The following PI4KA variants were observed in gnomAD, a reference collection of about 807,000 sequenced individuals.
PI4KA encodes the protein phosphatidylinositol 4-kinase alpha.
Under a neutral mutation model 271.4 loss-of-function variants are expected in PI4KA, and 122 were observed. That is an observed-to-expected ratio of 0.45 (90% CI 0.39 to 0.52). The LOEUF is 0.52. PI4KA is among the 20% of genes least tolerant of loss of function. The probability of loss-of-function intolerance (pLI) is 0.00; values close to 1 mark genes in which losing one functional copy is unlikely to be tolerated. For missense variants in PI4KA, 1,969 were observed against 2,769.1 expected (o/e 0.71, Z 6.48); for synonymous variants, 1,041 against 1,078.8 (o/e 0.96, Z 0.69).
chr22:20,715,084 T>G (rs540289411), intron 45 of PI4KA, among the ~76,000 whole-genome samples: 1 of 152,028 alleles, frequency 6.6e-6, no homozygotes, highest in African/African-American at 2.4e-5. Flanking sequence ...CCTTTTTTTT[T>G]TTTTTGGATA....
Position 20,834,063 on chromosome 22 carries a change from G to T in PI4KA, c.367+499C>A, listed in dbSNP as rs193190968. ...GCCACCATACCAGCCAATTTATTCC[G>T]TTTCTAAAGGTGCAAAGTTTAACTG... On this transcript the variant is annotated intron_variant, in intron 3 of 54. Transcript: ENST00000255882. Among the ~76,000 whole-genome samples, 30 of 152,046 alleles carry T rather than the reference G, an allele frequency of 2.0e-4. No individual in the cohort carries two copies. The East Asian group carries it at 5.4e-3, about 27-fold the overall frequency.
At chr22:20,857,444 C>T (rs9624999) in intron 1 of PI4KA, among the ~76,000 whole-genome samples, 6,390 of 152,296 alleles carry the variant, frequency 0.042, 424 homozygotes, top group African/African-American at 0.14. Flanking sequence ...CTTCATCCAT[C>T]AGCAGACAGC....
At chr22:20,827,485 G>C (rs186496007) in intron 3 of PI4KA, among the ~76,000 whole-genome samples, 1 of 152,112 alleles carries the variant, frequency 6.6e-6, no homozygotes, top group African/African-American at 2.4e-5. Flanking sequence ...GTTGGGTAAT[G>C]TGATGTCTCC....
At chr22:20,781,972 C>T (rs572379659) in intron 19 of PI4KA, among the ~76,000 whole-genome samples, 9 of 152,196 alleles carry the variant, frequency 5.9e-5, no homozygotes, top group African/African-American at 1.9e-4. Context: ...AAGAGCTCAG[C>T]GAATTTGAGG....
intron 42 of PI4KA, among the ~76,000 whole-genome samples, chr22:20,724,345 C>T (rs1927101569): frequency 6.6e-6 from 1 of 150,730 alleles, no homozygotes; most frequent in South Asian, 2.1e-4. Flanking sequence ...GTGGCTCATG[C>T]CTGTAATCCT....
chr22:20,733,131 T>C, intron 35 of PI4KA, 33 bp from the exon 36 acceptor site: 1 of 1,611,616 alleles, frequency 6.2e-7, no homozygotes, highest in Non-Finnish European at 8.5e-7. Context: ...AAGGGCTGAG[T>C]GTCTGGAGTC....
intron 19 of PI4KA, chr22:20,787,196 T>C: frequency 4.8e-6 from 4 of 832,456 alleles, no homozygotes; most frequent in East Asian, 2.6e-5. Flanking sequence ...GAGGCCCATA[T>C]GAGAGGAGCT....
In PI4KA at chr22:20,747,597, T is replaced by C. The variant is rs748845018; in HGVS notation, c.3349A>G (p.Asn1117Asp). Residue 1117 changes from asparagine (N) to aspartate (D), a missense_variant, in exon 29 of 55, where the codon AAC (asparagine) becomes GAC (aspartate). By Grantham distance (23) the Asn-to-Asp change is conservative (BLOSUM62 1). Around this residue, in one of 13 missense-constraint regions of PI4KA, gnomAD observed 203 missense variants for 256.8 expected, o/e 0.79. Transcript: ENST00000255882. Reference protein sequence around the residue: ...ILHFAGYNKQNTTLGATQLSE... With the variant: ...ILHFAGYNKQDTTLGATQLSE... Reference sequence around the variant, plus strand: ...CTCGCACATACCCCAAGAGTTGTGTTCTGCTTGTTGTAGCCAGCAAAGTGA... The same window carrying C: ...CTCGCACATACCCCAAGAGTTGTGTCCTGCTTGTTGTAGCCAGCAAAGTGA... 1.2e-6 allele frequency: 2 copies of C among 1,614,096 alleles called. No homozygotes were observed. Among genetic ancestry groups the C allele is most frequent in the Non-Finnish European group, 1.7e-6 (2 of 1,180,014 alleles).
chr22:20,733,139 G>A (rs1369634972), intron 35 of PI4KA, 41 bp from the exon 36 acceptor site: 19 of 1,610,666 alleles, frequency 1.2e-5, no homozygotes, highest in Non-Finnish European at 1.5e-5. Flanking sequence ...AGTGTCTGGA[G>A]TCAGGGACTA....
In PI4KA at chr22:20,804,418, A is replaced by G; in HGVS notation, c.1361-18T>C. 3 of 1,530,394 alleles carry G rather than the reference A, an allele frequency of 2.0e-6. No individual in the cohort carries two copies. The highest frequency in any genetic ancestry group is 1.7e-4 in the Middle Eastern group (1 of 5,886). The allele number at this position is 1,530,394 out of a possible 1,614,324, so 94.8% of individuals were successfully genotyped here. A position where few individuals can be genotyped will look rare whatever the true frequency, so the allele number is the denominator to read the frequency against. On this transcript the variant is annotated intron_variant, in intron 11 of 54. Transcript: ENST00000255882. The stretch of plus-strand genomic sequence containing the variant: ...TTCTGCACCTTAATTCAAAACCAGA[A>G]GAGGAGATGAGTGATCAGCACAGGC...
chr22:20,788,403 T>C (rs1303011957), intron 19 of PI4KA, among the ~76,000 whole-genome samples: 1 of 152,166 alleles, frequency 6.6e-6, no homozygotes, highest in Non-Finnish European at 1.5e-5. Context: ...TTTGTAGGCA[T>C]GCCTGTGGGT....
chr22:20,790,742 A>AAC (rs778098105), intron 19 of PI4KA, among the ~76,000 whole-genome samples: 5 of 146,258 alleles, frequency 3.4e-5, no homozygotes, highest in African/African-American at 1.3e-4. Flanking sequence ...ACACACACAC[A>AAC]ACAAAAAAAA....
At chr22:20,856,710 G>A (rs1469297936) in intron 1 of PI4KA, among the ~76,000 whole-genome samples, 1 of 152,164 alleles carries the variant, frequency 6.6e-6, no homozygotes, top group Non-Finnish European at 1.5e-5. Context: ...TGGGATTACA[G>A]GCATGAGCCA....
intron 48 of PI4KA, chr22:20,713,075 T>G (rs554506056): frequency 2.8e-5 from 19 of 679,272 alleles, no homozygotes; most frequent in Non-Finnish European, 4.8e-5. Context: ...AGGTGGGCAC[T>G]GGCATGGCGG....
intron 7 of PI4KA, among the ~76,000 whole-genome samples, chr22:20,815,873 C>T (rs180930734): frequency 5.9e-5 from 9 of 152,190 alleles, no homozygotes; most frequent in East Asian, 3.9e-4. Flanking sequence ...TGATGGCAAA[C>T]GACAGGGGCT....
intron 19 of PI4KA, among the ~76,000 whole-genome samples, chr22:20,792,245 C>G (rs1934689118): frequency 6.6e-6 from 1 of 152,140 alleles, no homozygotes; most frequent in Non-Finnish European, 1.5e-5. Context: ...AAACTGGACA[C>G]CCTAGAAGTC....
chr22:20,846,027 G>C (rs165714), intron 1 of PI4KA, among the ~76,000 whole-genome samples: 73,894 of 151,754 alleles, frequency 0.49, 18,498 homozygotes, highest in African/African-American at 0.59. Flanking sequence ...GGAGGCCGAG[G>C]CGGGCGGATC....
intron 13 of PI4KA, 102 bp downstream of exon 13, chr22:20,803,089 C>T (rs999012335): frequency 2.9e-5 from 35 of 1,216,064 alleles, no homozygotes; most frequent in African/African-American, 1.5e-4. Context: ...AAAGGTGTGG[C>T]GAAGGAATGC....
In PI4KA at chr22:20,796,272, C is replaced by A; in HGVS notation, c.2151G>T (p.Ala717=). The A allele has an allele frequency of 6.2e-7, 1 of 1,614,016 alleles. No homozygotes were observed. Among genetic ancestry groups the A allele is most frequent in the Non-Finnish European group, 8.5e-7 (1 of 1,179,978 alleles). Residue 717 remains alanine (A), a synonymous_variant, in exon 18 of 55, where the codon GCG becomes GCT. Transcript: ENST00000255882. Reference sequence around the variant, plus strand: ...CCAGGTGCTCGTCTTGGATGTTGGCCGCGATGTTGGCCAGGGCATTAATCA... The same window carrying A: ...CCAGGTGCTCGTCTTGGATGTTGGCAGCGATGTTGGCCAGGGCATTAATCA... ...LAVINALANI[A]ANIQDEHLVD...
Sources: gnomAD v4.1 joint callset for allele counts (sites outside exome capture counted in the v4.1 genomes callset) on GRCh38, gnomAD v4.1.1 for gene constraint, gnomAD v4.1.1 regional missense constraint, MANE v1.5 for transcripts, NCBI Gene and HGNC (gene_info 2026-07-23, HGNC 2026-07-21) for gene names.